SCIMP: variants seen among roughly 807,000 people sequenced by gnomAD.
The protein encoded by SCIMP is SLP adaptor and CSK interacting membrane protein.
Under a neutral mutation model 22.0 loss-of-function variants are expected in SCIMP, and 18 were observed. The observed-to-expected ratio is 0.82, with a 90% CI of 0.56 to 1.21. SCIMP has a LOEUF of 1.21. SCIMP is among the 50% of genes most tolerant of loss of function. The pLI, the probability that SCIMP is intolerant of heterozygous loss-of-function variation, is 0.00. For missense variants in SCIMP, 155 were observed against 171.2 expected, an observed-to-expected ratio of 0.91 and a Z score of 0.53; for synonymous variants, 53 against 62.2, an observed-to-expected ratio of 0.85 and a Z score of 0.70.
At chr17:5,229,033 C>G (rs371423659) in intron 1 of SCIMP, among the ~76,000 whole-genome samples, 24 of 152,324 alleles carry the variant, frequency 1.6e-4, no homozygotes, top group East Asian at 1.5e-3. Context: ...GGCAGGCTCC[C>G]CGTCCTGCGC....
chr17:5,234,644 G>A (rs2074729955), intron 1 of SCIMP, 91 bp downstream of exon 1: 1 of 1,370,960 alleles, frequency 7.3e-7, no homozygotes. Flanking sequence ...GCTGATCGGT[G>A]GCTCCCAGGG....
At chr17:5,220,600 TG>T (rs1238937955) in intron 3 of SCIMP, among the ~76,000 whole-genome samples, 3 of 151,080 alleles carry the variant, frequency 2.0e-5, no homozygotes, top group Admixed American at 6.6e-5. Context: ...AAAAAGTAGC[TG>T]GGTATGCTGG....
At chr17:5,221,627 A>G (rs2074608307) in intron 2 of SCIMP, among the ~76,000 whole-genome samples, 1 of 152,208 alleles carries the variant, frequency 6.6e-6, no homozygotes, top group African/African-American at 2.4e-5. Flanking sequence ...TCAGATAAAG[A>G]ATCGGAAAAG....
intron 1 of SCIMP, chr17:5,234,489 A>G: frequency 3.5e-6 from 2 of 564,874 alleles, no homozygotes; most frequent in Non-Finnish European, 6.3e-6. Context: ...CCTGACATAC[A>G]CATGAGGAAA....
intron 3 of SCIMP, among the ~76,000 whole-genome samples, chr17:5,219,657 A>G (rs2074591551): frequency 6.6e-6 from 1 of 152,078 alleles, no homozygotes; most frequent in Non-Finnish European, 1.5e-5. Flanking sequence ...GTGTCTTTGT[A>G]TATCTGGGAG....
chr17:5,211,966 T>A (rs566889374), intron 4 of SCIMP, among the ~76,000 whole-genome samples: 1 of 151,966 alleles, frequency 6.6e-6, no homozygotes, highest in Non-Finnish European at 1.5e-5. Context: ...GAGAATTGCT[T>A]GAACCCAGGT....
intron 4 of SCIMP, chr17:5,213,026 T>TTTTTTTTTTTTTTTTTTTTTTTTTTTA (rs1555612865): frequency 3.4e-6 from 2 of 596,524 alleles, no homozygotes; most frequent in Non-Finnish European, 4.2e-6. Flanking sequence ...TGGTAACTTC[T>TTTTTTTTTTTTTTTTTTTTTTTTTTTA]GAGCTGACAT....
intron 3 of SCIMP, among the ~76,000 whole-genome samples, chr17:5,220,701 G>A (rs1221483541): frequency 6.6e-5 from 10 of 151,724 alleles, no homozygotes; most frequent in African/African-American, 1.9e-4. Context: ...CCGAGATTGC[G>A]CCACTGCATT....
Position 5,210,927 on chromosome 17 carries a change from G to A in SCIMP, c.312C>T (p.Pro104=), listed in dbSNP as rs748934299. Residue 104 remains proline (P), a synonymous_variant, in exon 5 of 5, where the codon CCC becomes CCT. Coordinates refer to ENST00000574081, the MANE Select transcript of SCIMP (RefSeq NM_207103.3). Reference sequence around the variant, plus strand: ...CTTTATTTACCAGTGAGTATGTAGCGGGCGGCTGACTTGGGGCTTCCTGTG... The same window carrying A: ...CTTTATTTACCAGTGAGTATGTAGCAGGCGGCTGACTTGGGGCTTCCTGTG... ...SSPQEAPSQP[P]ATYSLVNKVK... 14 of 1,613,024 alleles carry A rather than the reference G, an allele frequency of 8.7e-6. No homozygotes were observed. Among genetic ancestry groups the A allele is most frequent in the Admixed American group, 3.3e-5 (2 of 59,782 alleles).
chr17:5,231,030 C>T (rs2074689786), intron 1 of SCIMP, among the ~76,000 whole-genome samples: 1 of 152,114 alleles, frequency 6.6e-6, no homozygotes, highest in South Asian at 2.1e-4. Context: ...GATAACATCT[C>T]TGACATATAG....
In SCIMP at chr17:5,210,573, C is replaced by G; in HGVS notation, c.*228G>C. 1 of 516,812 alleles carries G rather than the reference C, an allele frequency of 1.9e-6. No individual in the cohort carries two copies. The highest frequency in any genetic ancestry group is 3.3e-6 in the Non-Finnish European group (1 of 304,988). The allele number at this position is 516,812 out of a possible 1,614,324, so 32.0% of individuals were successfully genotyped here. On this transcript the variant is annotated 3_prime_UTR_variant, in exon 5 of 5. Transcript: ENST00000574081. ...TTCCTCAACAGCACAAGGCTGACCCCTCTAAGTCCTCAGAGCCGAGCACCC... is the reference window on the plus strand; with the variant it reads ...TTCCTCAACAGCACAAGGCTGACCCGTCTAAGTCCTCAGAGCCGAGCACCC...
rs1166703752 is a variant in SCIMP at position 5,214,909 on chromosome 17, A to G, written c.283+16T>C. On this transcript the variant is annotated intron_variant, in intron 4 of 4. Transcript: ENST00000574081. ...TCTTACCCTAAATGAAACTGCTACC[A>G]GTAAAATATACTTACAAGAGTCTTC... 4 of 1,436,412 alleles carry G rather than the reference A, an allele frequency of 2.8e-6. No individual in the cohort carries two copies. Among genetic ancestry groups the G allele is most frequent in the South Asian group, 2.3e-5 (2 of 86,564 alleles). 89.0% of individuals were successfully genotyped at this position (1,436,412 alleles called of 1,614,324 possible).
chr17:5,210,667 A>T lies in SCIMP; in HGVS notation c.*134T>A. 8.1e-7 allele frequency: 1 copy of T among 1,229,496 alleles called. No individual in the cohort carries two copies. Among genetic ancestry groups the T allele is most frequent in the South Asian group, 1.6e-5 (1 of 63,670 alleles). The allele number at this position is 1,229,496 out of a possible 1,614,324, so 76.2% of individuals were successfully genotyped here. On this transcript the variant is annotated 3_prime_UTR_variant, in exon 5 of 5. Coordinates refer to ENST00000574081, the MANE Select transcript of SCIMP (RefSeq NM_207103.3). ...TCATCTAAGGTTTGGGAAGTGCTTT[A>T]TCTTATAGAGCTTCATAAAATCACC...
chr17:5,220,780 G>A (rs1193509553), intron 3 of SCIMP, among the ~76,000 whole-genome samples: 2 of 151,318 alleles, frequency 1.3e-5, no homozygotes, highest in East Asian at 1.9e-4. Flanking sequence ...ACTACCAGGC[G>A]GGCCTGGTGG....
chr17:5,216,092 A>C (rs2074563750), intron 3 of SCIMP, among the ~76,000 whole-genome samples: 1 of 152,098 alleles, frequency 6.6e-6, no homozygotes, highest in Non-Finnish European at 1.5e-5. Flanking sequence ...AGTCCCAGCT[A>C]CTCAGGAGAC....
Position 5,210,184 on chromosome 17 carries a change from A to G in SCIMP, c.*617T>C, listed in dbSNP as rs908439764. On this transcript the variant is annotated 3_prime_UTR_variant, in exon 5 of 5. Coordinates refer to ENST00000574081, the MANE Select transcript of SCIMP (RefSeq NM_207103.3). Reference sequence around the variant, plus strand: ...CTATGGTCAATTTGGCCTACATCATATAAAGGCACTGGGGTTTGCAGGGTG... The same window carrying G: ...CTATGGTCAATTTGGCCTACATCATGTAAAGGCACTGGGGTTTGCAGGGTG... 6.6e-6 allele frequency: 1 copy of G among 152,204 alleles called. No individual in the cohort carries two copies. The highest frequency in any genetic ancestry group is 1.5e-5 in the Non-Finnish European group (1 of 68,064). 9.4% of individuals were successfully genotyped at this position (152,204 alleles called of 1,614,324 possible). A position where few individuals can be genotyped will look rare whatever the true frequency, so the allele number is the denominator to read the frequency against.
At position 5,209,123 on chromosome 17, in the gene SCIMP, GTTTA is replaced by G. The variant is rs138066778; in HGVS notation, c.*1674_*1677del. On this transcript the variant is annotated 3_prime_UTR_variant, in exon 5 of 5. Coordinates refer to ENST00000574081, the MANE Select transcript of SCIMP (RefSeq NM_207103.3). ...TAACTACTGGCCTAACATAAGGAGG[GTTTA>G]TTTATTTATTTATTTATTTATTTTT... is the stretch of plus-strand genomic sequence containing the variant. The G allele has an allele frequency of 2.6e-5, 4 of 151,948 alleles. No individual in the cohort carries two copies. Among genetic ancestry groups the G allele is most frequent in the Non-Finnish European group, 4.4e-5 (3 of 68,026 alleles). 9.4% of individuals were successfully genotyped at this position (151,948 alleles called of 1,614,324 possible).
chr17:5,210,594 C>G lies in SCIMP; in HGVS notation c.*207G>C, dbSNP rs892044308. 19 of 590,624 alleles carry G rather than the reference C, an allele frequency of 3.2e-5. No individual in the cohort carries two copies. Among genetic ancestry groups the G allele is most frequent in the Non-Finnish European group, 5.3e-5 (19 of 361,392 alleles). The allele number at this position is 590,624 out of a possible 1,614,324, so 36.6% of individuals were successfully genotyped here. On this transcript the variant is annotated 3_prime_UTR_variant, in exon 5 of 5. Coordinates refer to ENST00000574081, the MANE Select transcript of SCIMP (RefSeq NM_207103.3). ...ACCCCTCTAAGTCCTCAGAGCCGAG[C>G]ACCCATGTGTCTCCTCTGGCTGCAG...
At position 5,210,642 on chromosome 17, in the gene SCIMP, T is replaced by C. The variant is rs1287322379; in HGVS notation, c.*159A>G. ...CAGTCATCCGATCGCAGGGGTGTCT[T>C]CATCTAAGGTTTGGGAAGTGCTTTA... On this transcript the variant is annotated 3_prime_UTR_variant, in exon 5 of 5. Transcript: ENST00000574081. 7.6e-6 allele frequency: 7 copies of C among 915,498 alleles called. No individual in the cohort carries two copies. The highest frequency in any genetic ancestry group is 1.1e-5 in the Non-Finnish European group (7 of 631,778). 56.7% of individuals were successfully genotyped at this position (915,498 alleles called of 1,614,324 possible). A position where few individuals can be genotyped will look rare whatever the true frequency, so the allele number is the denominator to read the frequency against.
Sources: gnomAD v4.1 joint callset for allele counts (sites outside exome capture counted in the v4.1 genomes callset) on GRCh38, gnomAD v4.1.1 for gene constraint, MANE v1.5 for transcripts, NCBI Gene and HGNC (gene_info 2026-07-23, HGNC 2026-07-21) for gene names.